The following HHLA2 variants were observed in gnomAD, a reference collection of about 807,000 sequenced individuals.
HHLA2 encodes HERV-H LTR-associating protein 2.
HHLA2 carries 48 observed loss-of-function variants against 45.9 expected under a neutral mutation model. That is an observed-to-expected ratio of 1.05 (90% confidence interval 0.83 to 1.33). The LOEUF is 1.33. Among genes scored for constraint, HHLA2 ranks in the 40% most tolerant of loss-of-function variants. HHLA2 has a pLI of 0.00. For synonymous variants in HHLA2, 161 were observed against 173.9 expected (o/e 0.93, Z 0.59); for missense variants, 462 against 494.3 (o/e 0.93, Z 0.62).
At chr3:108,371,349 C>T (rs540504217) in intron 8 of HHLA2, among the ~76,000 whole-genome samples, 97 of 152,230 alleles carry the variant, frequency 6.4e-4, no homozygotes, top group Admixed American at 1.4e-3. Flanking sequence ...AAAAAACAAC[C>T]GGTACCAGCC....
chr3:108,337,063 C>CTA (rs1170768195), intron 3 of HHLA2, among the ~76,000 whole-genome samples: 2 of 152,002 alleles, frequency 1.3e-5, no homozygotes, highest in Non-Finnish European at 2.9e-5. Flanking sequence ...AAGAGTAGTA[C>CTA]TATTCAAAGT....
intron 1 of HHLA2, among the ~76,000 whole-genome samples, chr3:108,299,081 G>A (rs2080808945): frequency 6.6e-6 from 1 of 151,760 alleles, no homozygotes; most frequent in Admixed American, 6.6e-5. Flanking sequence ...TTTTCTTTTT[G>A]TCCCATACTC....
Position 108,376,480 on chromosome 3 carries a change from T to C in HHLA2, c.1160-13T>C, listed in dbSNP as rs916945514. Reference sequence around the variant, plus strand: ...AAGAAATTATTTTTAAGTTCTCTTTTTTTTTCCTGTAGAAAGATGTTGTGT... The same window carrying C: ...AAGAAATTATTTTTAAGTTCTCTTTCTTTTTCCTGTAGAAAGATGTTGTGT... On this transcript the variant is annotated splice_polypyrimidine_tract_variant and intron_variant, in intron 9 of 10. Coordinates refer to ENST00000619531, the Ensembl canonical transcript of HHLA2. 2.5e-6 allele frequency: 4 copies of C among 1,594,078 alleles called. No homozygotes were observed. Among genetic ancestry groups the C allele is most frequent in the Non-Finnish European group, 2.6e-6 (3 of 1,173,314 alleles).
At chr3:108,357,310 G>T (rs1230631190) in intron 6 of HHLA2, among the ~76,000 whole-genome samples, 2 of 152,128 alleles carry the variant, frequency 1.3e-5, no homozygotes, top group Admixed American at 6.5e-5. Context: ...AAATTCAGCA[G>T]TCTCTCTTTA....
chr3:108,300,825 A>T (rs1045515472), intron 1 of HHLA2, among the ~76,000 whole-genome samples: 41 of 152,138 alleles, frequency 2.7e-4, no homozygotes, highest in African/African-American at 9.2e-4. Context: ...TTGTAACAGA[A>T]ATCTAAATTC....
chr3:108,324,942 T>G (rs1162393206), intron 2 of HHLA2, among the ~76,000 whole-genome samples: 1 of 152,198 alleles, frequency 6.6e-6, no homozygotes, highest in Non-Finnish European at 1.5e-5. Context: ...CTTAAAACCT[T>G]ACATTAATTG....
intron 3 of HHLA2, among the ~76,000 whole-genome samples, chr3:108,335,044 T>C (rs1351477428): frequency 1.3e-5 from 2 of 152,306 alleles, no homozygotes; most frequent in East Asian, 3.9e-4. Context: ...CCTAATAGAA[T>C]TGCAATAAAA....
chr3:108,354,380 A>G (rs1293531869), intron 5 of HHLA2, among the ~76,000 whole-genome samples: 1 of 151,696 alleles, frequency 6.6e-6, no homozygotes. Context: ...TATATAATAT[A>G]TTAACTGTAT....
At position 108,300,109 on chromosome 3, in the gene HHLA2, T is replaced by C. The variant is rs140183078; in HGVS notation, c.-192+3510T>C. On this transcript the variant is annotated intron_variant, in intron 1 of 10. Coordinates refer to ENST00000619531, the Ensembl canonical transcript of HHLA2. ...TAACAGGCAGTTTATTGGGTAATGA[T>C]GTTTTCAGAGTACACAAGGAAGAGG... Among the ~76,000 whole-genome samples, 1,166 of 152,186 alleles carry C rather than the reference T, an allele frequency of 7.7e-3. 15 individuals carry two copies. The highest frequency in any genetic ancestry group is 0.027 in the African/African-American group (1,103 of 41,508).
At chr3:108,341,530 G>T (rs2081571303) in intron 3 of HHLA2, among the ~76,000 whole-genome samples, 1 of 151,968 alleles carries the variant, frequency 6.6e-6, no homozygotes, top group Admixed American at 6.6e-5. Context: ...ACATTACTCT[G>T]TTAAAATATA....
At chr3:108,364,271 G>T (rs956547683) in intron 8 of HHLA2, among the ~76,000 whole-genome samples, 2 of 152,140 alleles carry the variant, frequency 1.3e-5, no homozygotes, top group African/African-American at 4.8e-5. Flanking sequence ...GTGATAGTTT[G>T]CTGAGAATGA....
chr3:108,330,129 G>A (rs537765155), intron 3 of HHLA2, among the ~76,000 whole-genome samples: 24 of 152,318 alleles, frequency 1.6e-4, no homozygotes, highest in African/African-American at 5.3e-4. Context: ...TGAGTGATCA[G>A]AGAGTGAAAG....
intron 3 of HHLA2, among the ~76,000 whole-genome samples, chr3:108,344,734 C>T (rs1218365407): frequency 6.6e-6 from 1 of 152,114 alleles, no homozygotes; most frequent in African/African-American, 2.4e-5. Context: ...TTGATGTATT[C>T]GACAAAATGC....
At chr3:108,348,306 A>T (rs532256787) in intron 3 of HHLA2, among the ~76,000 whole-genome samples, 35 of 152,242 alleles carry the variant, frequency 2.3e-4, no homozygotes, top group African/African-American at 7.7e-4. Context: ...AATTACATTA[A>T]ATGCTGCTAC....
chr3:108,367,332 G>A (rs191533875), intron 8 of HHLA2, among the ~76,000 whole-genome samples: 1 of 152,228 alleles, frequency 6.6e-6, no homozygotes, highest in East Asian at 1.9e-4. Context: ...TCCAGCAAGA[G>A]CACAAAATTG....
At chr3:108,353,776 G>C in exon 5 of HHLA2, 1 of 1,604,402 alleles carries the variant, frequency 6.2e-7, no homozygotes, top group Non-Finnish European at 8.5e-7. Context: ...TGCTAAAGGT[G>C]GGAGGTAAGT....
At chr3:108,341,724 T>A (rs1440405254) in intron 3 of HHLA2, among the ~76,000 whole-genome samples, 1 of 152,202 alleles carries the variant, frequency 6.6e-6, no homozygotes, top group East Asian at 1.9e-4. Context: ...AAAATCCAAC[T>A]CACAGTAGTT....
intron 3 of HHLA2, among the ~76,000 whole-genome samples, chr3:108,344,749 T>A (rs1394859522): frequency 6.6e-6 from 1 of 152,216 alleles, no homozygotes. Context: ...AAATGCCTGC[T>A]GTCTGCCGTG....
chr3:108,329,191 A>T (rs1001385825), intron 3 of HHLA2, among the ~76,000 whole-genome samples: 1 of 152,202 alleles, frequency 6.6e-6, no homozygotes, highest in Admixed American at 6.5e-5. Flanking sequence ...AGAAAGTGCC[A>T]CAGGAGCTTT....
Sources: allele counts gnomAD v4.1 joint callset (sites outside exome capture counted in the v4.1 genomes callset), GRCh38; gene constraint gnomAD v4.1.1; transcripts MANE v1.5; gene names NCBI Gene and HGNC (gene_info 2026-07-23, HGNC 2026-07-21).